VPS45: variants seen among roughly 807,000 people sequenced by gnomAD.
VPS45 encodes the protein vacuolar protein sorting 45 homolog.
Under a neutral mutation model 75.9 loss-of-function variants are expected in VPS45, and 35 were observed. The observed-to-expected ratio is 0.46, with a 90% CI of 0.35 to 0.61. The LOEUF (loss-of-function observed/expected upper bound fraction) is 0.61. VPS45 is among the 20% of genes least tolerant of loss of function. The pLI is 0.00. For missense variants in VPS45, 559 were observed against 685.9 expected, an observed-to-expected ratio of 0.81 and a Z score of 2.07; for synonymous variants, 220 against 238.2, an observed-to-expected ratio of 0.92 and a Z score of 0.70.
At chr1:150,129,781 G>T (rs1658722972) in intron 14 of VPS45, among the ~76,000 whole-genome samples, 1 of 150,962 alleles carries the variant, frequency 6.6e-6, no homozygotes, top group Non-Finnish European at 1.5e-5. Context: ...TCAAAGTCCT[G>T]ACCTCAAGTG....
chr1:150,096,216 A>T (rs1571856266), intron 13 of VPS45, among the ~76,000 whole-genome samples: 1 of 152,230 alleles, frequency 6.6e-6, no homozygotes, highest in East Asian at 1.9e-4. Context: ...AAACCTCTGG[A>T]AATGTTGAAC....
Position 150,141,503 on chromosome 1 carries a change from A to T in VPS45, c.1626-3206A>T, listed in dbSNP as rs587727046. 2.4e-4 allele frequency among the ~76,000 whole-genome samples: 37 copies of T among 152,326 alleles called. 2 individuals carry two copies. In the South Asian group the frequency reaches 7.5e-3, roughly 31 times the overall value. ...AATTAATATTTTTAATCCTATAAAC[A>T]TTGGTCTCTAGTCCCTTACCAGTGA... On this transcript the variant is annotated intron_variant, in intron 14 of 14. Transcript: ENST00000644510.
intron 14 of VPS45, among the ~76,000 whole-genome samples, chr1:150,125,714 G>C (rs1242647707): frequency 6.6e-6 from 1 of 151,724 alleles, no homozygotes; most frequent in Non-Finnish European, 1.5e-5. Flanking sequence ...TTTTGAGATG[G>C]AGTCTCCTCT....
At chr1:150,109,575 T>C (rs1657525985) in intron 13 of VPS45, 1 of 152,238 alleles carries the variant, frequency 6.6e-6, no homozygotes, top group African/African-American at 2.4e-5. Flanking sequence ...GTTAGTTTTG[T>C]GCAATAACAT....
chr1:150,096,264 G>A (rs1656647799), intron 13 of VPS45, among the ~76,000 whole-genome samples: 2 of 152,176 alleles, frequency 1.3e-5, no homozygotes, highest in African/African-American at 4.8e-5. Context: ...ACTAGTTGGG[G>A]AAATGGAAAC....
chr1:150,135,575 T>C lies in VPS45; in HGVS notation c.1626-9134T>C, dbSNP rs116514092. 5.7e-3 allele frequency among the ~76,000 whole-genome samples: 861 copies of C among 151,394 alleles called. 12 individuals carry two copies. Among genetic ancestry groups the C allele is most frequent in the African/African-American group, 0.02 (821 of 41,290 alleles). ...GTCACTGGGCCTGGCCAGTTATGCATTTTTAAAACAAAATACTGAAAGTCA... is the reference window on the plus strand; with the variant it reads ...GTCACTGGGCCTGGCCAGTTATGCACTTTTAAAACAAAATACTGAAAGTCA... On this transcript the variant is annotated intron_variant, in intron 14 of 14. Transcript: ENST00000644510.
chr1:150,068,544 T>C, intron 1 of VPS45, 86 bp from the exon 2 acceptor site: 1 of 1,237,610 alleles, frequency 8.1e-7, no homozygotes, highest in South Asian at 2.2e-5. Context: ...TCCAGCTAAG[T>C]ATTAATGAAA....
chr1:150,138,008 C>T (rs1318167176), intron 14 of VPS45, among the ~76,000 whole-genome samples: 2 of 151,790 alleles, frequency 1.3e-5, no homozygotes, highest in Non-Finnish European at 2.9e-5. Flanking sequence ...TTCTAGGCTC[C>T]ATCTCATTTC....
At chr1:150,074,955 CTTTTTTTTT>C (rs782039324) in intron 3 of VPS45, among the ~76,000 whole-genome samples, 1 of 81,108 alleles carries the variant, frequency 1.2e-5, no homozygotes, top group African/African-American at 5.5e-5. Flanking sequence ...ATTATTTATT[CTTTTTTTTT>C]TTTTTTTTTT....
intron 14 of VPS45, among the ~76,000 whole-genome samples, chr1:150,118,550 C>T (rs760736688): frequency 2.0e-5 from 3 of 151,882 alleles, no homozygotes; most frequent in Non-Finnish European, 4.4e-5. Flanking sequence ...GCACTACAGG[C>T]GTGCACCACC....
At chr1:150,094,688 G>T (rs74632055) in intron 13 of VPS45, among the ~76,000 whole-genome samples, 2 of 152,150 alleles carry the variant, frequency 1.3e-5, no homozygotes, top group East Asian at 3.8e-4. Context: ...AAGAATGAAC[G>T]CCAGCCCAAA....
At chr1:150,067,750 C>T, upstream of VPS45, 1 of 1,144,406 alleles carries the variant, frequency 8.7e-7, no homozygotes, top group Non-Finnish European at 1.3e-6. Context: ...TCCCGGAAGC[C>T]GAATCCCGGC....
chr1:150,126,724 G>C (rs142842478), intron 14 of VPS45, among the ~76,000 whole-genome samples: 1 of 152,196 alleles, frequency 6.6e-6, no homozygotes, highest in East Asian at 1.9e-4. Context: ...CCAGCACTTT[G>C]GGAGGCTCAA....
chr1:150,098,461 G>C (rs1656793173), intron 13 of VPS45, among the ~76,000 whole-genome samples: 1 of 152,124 alleles, frequency 6.6e-6, no homozygotes, highest in South Asian at 2.1e-4. Context: ...ACAAAATTTA[G>C]ATTTTTGAAG....
chr1:150,105,179 G>A (rs1442405959), intron 13 of VPS45, among the ~76,000 whole-genome samples: 2 of 152,002 alleles, frequency 1.3e-5, no homozygotes, highest in African/African-American at 4.8e-5. Context: ...ATACTGAATG[G>A]GGAAAAGTTG....
At chr1:150,117,588 G>A (rs1339800148) in intron 14 of VPS45, among the ~76,000 whole-genome samples, 4 of 152,052 alleles carry the variant, frequency 2.6e-5, no homozygotes, top group African/African-American at 7.2e-5. Context: ...GCCAGGCATC[G>A]TGGCTCAGGC....
At chr1:150,141,317 G>C (rs1659382106) in intron 14 of VPS45, among the ~76,000 whole-genome samples, 1 of 151,872 alleles carries the variant, frequency 6.6e-6, no homozygotes, top group African/African-American at 2.4e-5. Context: ...TGGTGTCTTT[G>C]GTATAAGAAA....
intron 10 of VPS45, among the ~76,000 whole-genome samples, chr1:150,088,475 C>CTTTTTTT (rs1312269902): frequency 3.4e-5 from 3 of 87,890 alleles, no homozygotes; most frequent in African/African-American, 9.2e-5. Context: ...TTTCTTTTCC[C>CTTTTTTT]TTTTTTCTTT....
rs919371131 is a variant in VPS45 at position 150,128,901 on chromosome 1, G to T, written c.1626-15808G>T. On this transcript the variant is annotated intron_variant, in intron 14 of 14. Coordinates refer to ENST00000644510, the MANE Select transcript of VPS45 (RefSeq NM_007259.5). ...ACTACAAGTGCGTGCCACCACGCCTGGCTAATTATTTTTGTATTTTTAGTA... is the reference window on the plus strand; with the variant it reads ...ACTACAAGTGCGTGCCACCACGCCTTGCTAATTATTTTTGTATTTTTAGTA... Among the ~76,000 whole-genome samples the T allele has an allele frequency of 2.0e-5, 3 of 152,254 alleles. 1 individual carries two copies. The highest frequency in any genetic ancestry group is 2.0e-4 in the Admixed American group (3 of 15,296).
Sources: allele counts gnomAD v4.1 joint callset (sites outside exome capture counted in the v4.1 genomes callset), GRCh38; gene constraint gnomAD v4.1.1; transcripts MANE v1.5; gene names NCBI Gene and HGNC (gene_info 2026-07-23, HGNC 2026-07-21).